The following NEMP2 variants were observed in gnomAD, a reference collection of about 807,000 sequenced individuals.
The protein encoded by NEMP2 is UPF0571 transmembrane protein.
Under a neutral mutation model 54.2 loss-of-function variants are expected in NEMP2, and 53 were observed. The ratio of observed to expected loss-of-function variants is 0.98; its 90% CI spans 0.78 to 1.23. The LOEUF is 1.23. Among genes scored for constraint, NEMP2 ranks in the 50% most tolerant of loss-of-function variants. The pLI is 0.00. For missense variants in NEMP2, 455 were observed against 511.3 expected (o/e 0.89, Z 1.06); for synonymous variants, 197 against 190.3 (o/e 1.04, Z -0.29).
At chr2:190,584,985 C>T in the NEMP2 span, among the ~76,000 whole-genome samples, 2 of 152,160 alleles carry the variant, frequency 1.3e-5, no homozygotes, top group Non-Finnish European at 2.9e-5. This position sits in a 1 kb window ranked among gnomAD's most constrained non-coding sequence, Gnocchi z 4.2. Context: ...ACTAGCTTAA[C>T]TTCCAGTCAG....
chr2:190,460,525 G>A, the NEMP2 span, among the ~76,000 whole-genome samples: 2 of 152,240 alleles, frequency 1.3e-5, no homozygotes, highest in Admixed American at 6.5e-5. Context: ...TTTCTCTTCC[G>A]TTCCGGACTA....
the NEMP2 span, among the ~76,000 whole-genome samples, chr2:190,482,868 CTTTTTTTTTTTTTTT>C: frequency 2.2e-3 from 106 of 48,290 alleles, 1 homozygote; most frequent in South Asian, 0.028. Flanking sequence ...AGACTATCAT[CTTTTTTTTTTTTTTT>C]TTTTTTTTTT....
the NEMP2 span, among the ~76,000 whole-genome samples, chr2:190,615,687 A>G: frequency 6.6e-6 from 1 of 152,176 alleles, no homozygotes; most frequent in South Asian, 2.1e-4. This position sits in a 1 kb window ranked among gnomAD's most constrained non-coding sequence, Gnocchi z 4.7. Context: ...TGTAATCACT[A>G]GGTTGGTTCC....
chr2:190,609,114 A>G, the NEMP2 span: 9 of 152,150 alleles, frequency 5.9e-5, no homozygotes, highest in Admixed American at 4.6e-4. This position sits in a 1 kb window ranked among gnomAD's most constrained non-coding sequence, Gnocchi z 4.7. Context: ...CGAAGAGAGT[A>G]TTTCTGTAAC....
chr2:190,516,596 C>A (rs1289835871), intron 5 of NEMP2, among the ~76,000 whole-genome samples: 1 of 152,210 alleles, frequency 6.6e-6, no homozygotes, highest in Non-Finnish European at 1.5e-5. Context: ...TCCTAGGCCC[C>A]ACTGCAGACT....
the NEMP2 span, among the ~76,000 whole-genome samples, chr2:190,621,199 TCA>T: frequency 6.6e-6 from 1 of 152,206 alleles, no homozygotes. Context: ...CATGCGAACA[TCA>T]CAGAGTGTAC....
chr2:190,560,619 CTTAGGTG>C, the NEMP2 span, among the ~76,000 whole-genome samples: 4 of 152,210 alleles, frequency 2.6e-5, no homozygotes, highest in Non-Finnish European at 5.9e-5. The surrounding 1 kb of genome is among the most constrained non-coding windows in gnomAD (Gnocchi z 5.4). Context: ...GCCACTTGAT[CTTAGGTG>C]ATACCTTCTT....
chr2:190,548,984 C>T, the NEMP2 span, among the ~76,000 whole-genome samples: 1 of 152,168 alleles, frequency 6.6e-6, no homozygotes, highest in African/African-American at 2.4e-5. Context: ...TATATTTTTG[C>T]CCATTAATAA....
At chr2:190,436,812 T>C in the NEMP2 span, 1 of 1,614,100 alleles carries the variant, frequency 6.2e-7, no homozygotes, top group Non-Finnish European at 8.5e-7. The surrounding 1 kb of genome is among the most constrained non-coding windows in gnomAD (Gnocchi z 5.3). Flanking sequence ...AGACAACCAC[T>C]GTTATTGTTA....
rs1169012896 is a variant in NEMP2 at position 190,522,778 on chromosome 2, A to C, written c.213+2485T>G. ...TCCGCAATTACTTATGATAACCCAG[A>C]CATTCCTTTCTATTGATAATAACTC... On this transcript the variant is annotated intron_variant, in intron 2 of 8. Transcript: ENST00000409150. This position sits in a 1 kb window ranked among gnomAD's most constrained non-coding sequence, Gnocchi z 5.0. 6.6e-6 allele frequency among the ~76,000 whole-genome samples: 1 copy of C among 152,210 alleles called. No homozygotes were observed. Among genetic ancestry groups the C allele is most frequent in the Non-Finnish European group, 1.5e-5 (1 of 68,044 alleles).
chr2:190,483,188 G>A, the NEMP2 span, among the ~76,000 whole-genome samples: 4 of 151,866 alleles, frequency 2.6e-5, no homozygotes, highest in African/African-American at 4.8e-5. Flanking sequence ...CACCGCGCCC[G>A]GCCGACTATC....
Position 190,531,771 on chromosome 2 carries a change from T to C in NEMP2, c.97+2788A>G, listed in dbSNP as rs955021168. Among the ~76,000 whole-genome samples the C allele has an allele frequency of 6.6e-6, 1 of 152,164 alleles. No individual in the cohort carries two copies. Among genetic ancestry groups the C allele is most frequent in the East Asian group, 1.9e-4 (1 of 5,200 alleles). ...TTATTAGTTTTCCTAAATGTAAGTA[T>C]ATGTTTAAGTTAAAGAGTTGAGTCA... On this transcript the variant is annotated intron_variant, in intron 1 of 8. Transcript: ENST00000409150. The surrounding 1 kb of genome is among the most constrained non-coding windows in gnomAD (Gnocchi z 4.7).
chr2:190,580,336 T>C, the NEMP2 span, among the ~76,000 whole-genome samples: 1 of 152,204 alleles, frequency 6.6e-6, no homozygotes, highest in Non-Finnish European at 1.5e-5. This position sits in a 1 kb window ranked among gnomAD's most constrained non-coding sequence, Gnocchi z 5.3. Flanking sequence ...GGCTCTTTAG[T>C]GGCGAATATA....
At chr2:190,646,337 G>A in the NEMP2 span, among the ~76,000 whole-genome samples, 1 of 152,226 alleles carries the variant, frequency 6.6e-6, no homozygotes, top group East Asian at 1.9e-4. Flanking sequence ...GGGCGTGGGA[G>A]TGGGAGAAGA....
the NEMP2 span, chr2:190,488,570 G>T: frequency 4.3e-6 from 5 of 1,163,870 alleles, no homozygotes; most frequent in Non-Finnish European, 4.6e-6. The surrounding 1 kb of genome is among the most constrained non-coding windows in gnomAD (Gnocchi z 6.4). Context: ...TTAAAAATAG[G>T]TGCCTAGTTA....
At chr2:190,470,903 G>A in the NEMP2 span, among the ~76,000 whole-genome samples, 28 of 150,880 alleles carry the variant, frequency 1.9e-4, no homozygotes, top group Admixed American at 1.6e-3. Flanking sequence ...TAAAATTCAA[G>A]TATATATATA....
At chr2:190,639,166 T>G in the NEMP2 span, among the ~76,000 whole-genome samples, 5 of 152,184 alleles carry the variant, frequency 3.3e-5, no homozygotes, top group Admixed American at 6.5e-5. Context: ...AAATCAATAT[T>G]AACACATTCA....
At chr2:190,574,818 TC>T in the NEMP2 span, among the ~76,000 whole-genome samples, 1 of 108,284 alleles carries the variant, frequency 9.2e-6, no homozygotes. Flanking sequence ...TTCCCTCCCT[TC>T]CCCCCTTTCT....
chr2:190,500,097 A>G, downstream of NEMP2: 1 of 1,614,130 alleles, frequency 6.2e-7, no homozygotes, highest in African/African-American at 1.3e-5. The surrounding 1 kb of genome is among the most constrained non-coding windows in gnomAD (Gnocchi z 5.3). Flanking sequence ...CCATCTAGAA[A>G]CCAGCCATCC....
Sources: allele counts gnomAD v4.1 joint callset (sites outside exome capture counted in the v4.1 genomes callset), GRCh38; gene constraint gnomAD v4.1.1; non-coding constraint Gnocchi (gnomAD v3.1); transcripts MANE v1.5; gene names NCBI Gene and HGNC (gene_info 2026-07-23, HGNC 2026-07-21).